Variants in GPR176 observed in about 807,000 individuals in gnomAD.
GPR176 encodes the protein G protein-coupled receptor 176, also known as G-protein coupled receptor 176.
A neutral mutation model predicts 35.4 loss-of-function variants in GPR176; 26 were observed. The ratio of observed to expected loss-of-function variants is 0.74; its 90% confidence interval spans 0.54 to 1.02. GPR176 has a LOEUF of 1.02. Ranked by LOEUF, GPR176 falls within the 50% of genes least tolerant of loss-of-function variation. GPR176 has a pLI of 0.00. For synonymous variants in GPR176, 278 were observed against 271.3 expected, an observed-to-expected ratio of 1.02 and a Z score of -0.24; for missense variants, 597 against 665.3, an observed-to-expected ratio of 0.90 and a Z score of 1.13.
chr15:39,832,975 A>C (rs1901187662), intron 1 of GPR176, among the ~76,000 whole-genome samples: 2 of 152,184 alleles, frequency 1.3e-5, no homozygotes, highest in South Asian at 4.1e-4. Context: ...TCTGTATTTT[A>C]AGGTGAGTTG....
intron 1 of GPR176, among the ~76,000 whole-genome samples, chr15:39,854,877 C>G (rs1356781823): frequency 6.6e-6 from 1 of 151,886 alleles, no homozygotes; most frequent in Non-Finnish European, 1.5e-5. Flanking sequence ...CCCCACCACA[C>G]CCCTAGTCTC....
intron 1 of GPR176, among the ~76,000 whole-genome samples, chr15:39,834,749 A>G (rs1212727936): frequency 6.6e-6 from 1 of 152,162 alleles, no homozygotes; most frequent in Admixed American, 6.6e-5. Flanking sequence ...GAACGCATGG[A>G]GATAGAGAGT....
At chr15:39,911,252 G>A (rs1483353175) in intron 1 of GPR176, among the ~76,000 whole-genome samples, 1 of 151,936 alleles carries the variant, frequency 6.6e-6, no homozygotes, top group East Asian at 1.9e-4. Flanking sequence ...TGTCCCTAAG[G>A]AGGAACTTTA....
intron 1 of GPR176, among the ~76,000 whole-genome samples, chr15:39,893,614 T>C (rs867786472): frequency 0.012 from 1,867 of 152,294 alleles, 32 homozygotes; most frequent in African/African-American, 0.04. Context: ...CAATGAGCTG[T>C]TGGGCACACC....
At chr15:39,902,970 C>G (rs1027813619) in intron 1 of GPR176, among the ~76,000 whole-genome samples, 1 of 152,180 alleles carries the variant, frequency 6.6e-6, no homozygotes, top group East Asian at 1.9e-4. Context: ...GTTCCACTTT[C>G]AATTTTTCAA....
chr15:39,808,840 G>A (rs1899356245), intron 1 of GPR176, among the ~76,000 whole-genome samples: 1 of 152,304 alleles, frequency 6.6e-6, no homozygotes, highest in Middle Eastern at 3.4e-3. Flanking sequence ...TCAGCAAGCA[G>A]TTCCCAAATC....
chr15:39,903,250 T>G (rs1196812563), intron 1 of GPR176, among the ~76,000 whole-genome samples: 3 of 146,510 alleles, frequency 2.0e-5, no homozygotes, highest in Non-Finnish European at 4.5e-5. Context: ...CATCTGTACT[T>G]TATTCGAAAC....
chr15:39,817,556 G>A (rs968700893), intron 1 of GPR176, among the ~76,000 whole-genome samples: 9 of 152,080 alleles, frequency 5.9e-5, no homozygotes, highest in Non-Finnish European at 8.8e-5. Flanking sequence ...CTGGCTACCC[G>A]CACACCTACT....
At chr15:39,838,520 G>C (rs1901546632) in intron 1 of GPR176, among the ~76,000 whole-genome samples, 2 of 151,994 alleles carry the variant, frequency 1.3e-5, no homozygotes, top group African/African-American at 2.4e-5. Context: ...AGCCCATAAG[G>C]GTTCAATATA....
At chr15:39,850,362 A>G (rs1472963981) in intron 1 of GPR176, among the ~76,000 whole-genome samples, 1 of 152,184 alleles carries the variant, frequency 6.6e-6, no homozygotes, top group Non-Finnish European at 1.5e-5. Context: ...GCACATGACT[A>G]TACTTGATGG....
chr15:39,871,531 GA>G (rs1462382134), intron 1 of GPR176, among the ~76,000 whole-genome samples: 2 of 152,160 alleles, frequency 1.3e-5, no homozygotes, highest in Non-Finnish European at 2.9e-5. Flanking sequence ...CTCAGGGCAG[GA>G]TTCACTGCCT....
intron 1 of GPR176, among the ~76,000 whole-genome samples, chr15:39,863,846 T>C (rs2031713909): frequency 6.6e-6 from 1 of 152,238 alleles, no homozygotes; most frequent in Non-Finnish European, 1.5e-5. Context: ...AAGTACACTC[T>C]ATGGTGTTAA....
At chr15:39,815,989 T>C (rs749772993) in intron 1 of GPR176, among the ~76,000 whole-genome samples, 1 of 152,182 alleles carries the variant, frequency 6.6e-6, no homozygotes, top group Admixed American at 6.5e-5. Flanking sequence ...AATCCTGTCA[T>C]TTGCAATAAC....
At chr15:39,825,978 A>G (rs1049308083) in intron 1 of GPR176, among the ~76,000 whole-genome samples, 2 of 152,178 alleles carry the variant, frequency 1.3e-5, no homozygotes, top group African/African-American at 4.8e-5. Context: ...GTGCAGCAAC[A>G]GGTCTAAGTG....
intron 1 of GPR176, among the ~76,000 whole-genome samples, chr15:39,829,640 C>A (rs1339960078): frequency 6.6e-6 from 1 of 151,788 alleles, no homozygotes; most frequent in Non-Finnish European, 1.5e-5. Flanking sequence ...ATTGTTCCCA[C>A]CCACCTGAAC....
intron 1 of GPR176, among the ~76,000 whole-genome samples, chr15:39,872,387 C>G (rs2032076638): frequency 6.6e-6 from 1 of 152,106 alleles, no homozygotes; most frequent in South Asian, 2.1e-4. Context: ...TACAGGCTGA[C>G]AACTGGATAC....
At chr15:39,874,037 T>C (rs898046872) in intron 1 of GPR176, among the ~76,000 whole-genome samples, 2 of 152,194 alleles carry the variant, frequency 1.3e-5, no homozygotes, top group African/African-American at 4.8e-5. Context: ...TCAAAATGTA[T>C]TGCACGAAGG....
intron 1 of GPR176, among the ~76,000 whole-genome samples, chr15:39,878,135 T>TGTGC (rs1555408567): frequency 6.7e-6 from 1 of 148,704 alleles, no homozygotes; most frequent in African/African-American, 2.5e-5. Flanking sequence ...TGTGTGTGTG[T>TGTGC]TGAGAACATT....
In GPR176 at chr15:39,913,287, A is replaced by G. The variant is rs539426179; in HGVS notation, c.172+6568T>C. ...GGGCCAGGCCTGGAGGCTAACACCT[A>G]TAATCCCAGCACTTCGGGAAGCTGA... On this transcript the variant is annotated intron_variant, in intron 1 of 2. Coordinates refer to ENST00000561100, the MANE Select transcript of GPR176 (RefSeq NM_007223.3). 2.6e-5 allele frequency among the ~76,000 whole-genome samples: 4 copies of G among 152,324 alleles called. No homozygotes were observed. In the East Asian group the frequency reaches 7.7e-4, roughly 29 times the overall value.
Sources: gnomAD v4.1 joint callset for allele counts (sites outside exome capture counted in the v4.1 genomes callset) on GRCh38, gnomAD v4.1.1 for gene constraint, MANE v1.5 for transcripts, NCBI Gene and HGNC (gene_info 2026-07-23, HGNC 2026-07-21) for gene names.